MARCHF1: variants seen among roughly 807,000 people sequenced by gnomAD.
The protein encoded by MARCHF1 is E3 ubiquitin-protein ligase MARCHF1.
A neutral mutation model predicts 54.2 loss-of-function variants in MARCHF1; 40 were observed. That is an observed-to-expected ratio of 0.74 (90% confidence interval 0.57 to 0.96). MARCHF1 has a LOEUF of 0.96. MARCHF1 is among the 40% of genes least tolerant of loss of function. MARCHF1 has a pLI of 0.00. For synonymous variants in MARCHF1, 236 were observed against 236.3 expected, an observed-to-expected ratio of 1.00 and a Z score of 0.01; for missense variants, 586 against 656.5, an observed-to-expected ratio of 0.89 and a Z score of 1.17.
chr4:164,252,329 AAAAACAAAAC>A (rs146653368), intron 1 of MARCHF1, among the ~76,000 whole-genome samples: 18 of 151,698 alleles, frequency 1.2e-4, no homozygotes, highest in South Asian at 6.2e-4. Flanking sequence ...CCACCATCAA[AAAAACAAAAC>A]AAAACAAAAC....
chr4:163,778,030 T>G (rs1747354354), intron 4 of MARCHF1, among the ~76,000 whole-genome samples: 1 of 152,208 alleles, frequency 6.6e-6, no homozygotes, highest in Non-Finnish European at 1.5e-5. Context: ...TCATGAAGTA[T>G]ATACTCTTGT....
intron 4 of MARCHF1, among the ~76,000 whole-genome samples, chr4:163,769,255 C>A (rs1271218866): frequency 6.6e-6 from 1 of 152,052 alleles, no homozygotes; most frequent in Non-Finnish European, 1.5e-5. Context: ...ACAGGGTTGT[C>A]ATAGTTCTGT....
chr4:163,636,919 C>A (rs1384065295), intron 5 of MARCHF1, among the ~76,000 whole-genome samples: 1 of 152,162 alleles, frequency 6.6e-6, no homozygotes, highest in Admixed American at 6.5e-5. Context: ...TGGAACAGGA[C>A]AGAGCCCTCA....
At position 163,788,652 on chromosome 4, in the gene MARCHF1, G is replaced by C. The variant is rs1579287798; in HGVS notation, c.111+65369C>G. On this transcript the variant is annotated intron_variant, in intron 4 of 9. Transcript: ENST00000514618. The stretch of plus-strand genomic sequence containing the variant: ...GAATTTTGTAAAGAACCCCAGAGAG[G>C]TGAAGGGCCTTTCTCACTGCATCAT... 2.6e-5 allele frequency among the ~76,000 whole-genome samples: 4 copies of C among 152,080 alleles called. No homozygotes were observed. The South Asian group carries it at 8.3e-4, about 31-fold the overall frequency.
chr4:164,220,614 T>C (rs1011938104), intron 1 of MARCHF1, among the ~76,000 whole-genome samples: 2 of 146,070 alleles, frequency 1.4e-5, no homozygotes, highest in Non-Finnish European at 3.0e-5. Flanking sequence ...ATATATGCTA[T>C]ATATGCATAT....
intron 3 of MARCHF1, among the ~76,000 whole-genome samples, chr4:163,956,504 C>G (rs932070369): frequency 5.9e-5 from 9 of 151,948 alleles, no homozygotes; most frequent in Non-Finnish European, 8.8e-5. Context: ...TTAATTAGTA[C>G]TAAGATTTTC....
chr4:163,826,655 T>C (rs1362976179), intron 4 of MARCHF1, among the ~76,000 whole-genome samples: 3 of 151,968 alleles, frequency 2.0e-5, no homozygotes, highest in Non-Finnish European at 4.4e-5. Flanking sequence ...AAAATAAAAG[T>C]AGATAAGTAT....
chr4:163,804,606 A>G (rs1257113393), intron 4 of MARCHF1, among the ~76,000 whole-genome samples: 2 of 152,202 alleles, frequency 1.3e-5, no homozygotes, highest in Non-Finnish European at 2.9e-5. Context: ...AATGTTTGTC[A>G]CCTCTTGTGA....
chr4:163,704,922 AAG>A (rs1744906825), intron 4 of MARCHF1, among the ~76,000 whole-genome samples: 1 of 151,696 alleles, frequency 6.6e-6, no homozygotes, highest in African/African-American at 2.4e-5. Flanking sequence ...TATTAAGGGA[AAG>A]AGAGAACAAA....
intron 3 of MARCHF1, among the ~76,000 whole-genome samples, chr4:163,950,582 G>A (rs1194905317): frequency 6.6e-6 from 1 of 152,170 alleles, no homozygotes; most frequent in African/African-American, 2.4e-5. Context: ...CTCCCACTTG[G>A]AAGGGGGCAT....
At chr4:163,720,810 C>G (rs1051891489) in intron 4 of MARCHF1, among the ~76,000 whole-genome samples, 5 of 152,160 alleles carry the variant, frequency 3.3e-5, no homozygotes, top group African/African-American at 1.2e-4. Context: ...GGAGTTCACT[C>G]ATGATTTGGG....
intron 1 of MARCHF1, among the ~76,000 whole-genome samples, chr4:164,120,924 A>G (rs1249629362): frequency 6.6e-6 from 1 of 152,072 alleles, no homozygotes; most frequent in Non-Finnish European, 1.5e-5. Flanking sequence ...TTGAATAACT[A>G]GAAAACAAGA....
intron 1 of MARCHF1, among the ~76,000 whole-genome samples, chr4:164,247,643 TA>T (rs1351738709): frequency 5.2e-3 from 591 of 113,024 alleles, no homozygotes; most frequent in South Asian, 0.023. Flanking sequence ...AAAAAGAAAG[TA>T]AAAAAAAAAA....
At chr4:163,881,146 G>T (rs949678264) in intron 3 of MARCHF1, among the ~76,000 whole-genome samples, 1 of 152,156 alleles carries the variant, frequency 6.6e-6, no homozygotes, top group Admixed American at 6.5e-5. Context: ...TTTAAACACA[G>T]AATTCAATTC....
At chr4:163,849,253 G>C (rs1310295629) in intron 4 of MARCHF1, among the ~76,000 whole-genome samples, 1 of 152,130 alleles carries the variant, frequency 6.6e-6, no homozygotes, top group African/African-American at 2.4e-5. Context: ...CTTTATTTAT[G>C]AAATGGGGGT....
chr4:164,344,644 A>G lies in MARCHF1; in HGVS notation c.-323+39226T>C, dbSNP rs561304833. ...AAATTTAAATTTACTAAGGATCTAGAAAGGCAACTATCCTTAAAGGACTAG... is the reference window on the plus strand; with the variant it reads ...AAATTTAAATTTACTAAGGATCTAGGAAGGCAACTATCCTTAAAGGACTAG... On this transcript the variant is annotated intron_variant, in intron 1 of 9. Coordinates refer to ENST00000514618, the MANE Select transcript of MARCHF1 (RefSeq NM_001394959.1). Among the ~76,000 whole-genome samples, 4 of 152,300 alleles carry G rather than the reference A, an allele frequency of 2.6e-5. No individual in the cohort carries two copies. The East Asian group carries it at 5.8e-4, about 22-fold the overall frequency.
intron 1 of MARCHF1, among the ~76,000 whole-genome samples, chr4:164,176,401 C>G (rs1730664122): frequency 1.3e-5 from 2 of 152,096 alleles, no homozygotes; most frequent in South Asian, 4.1e-4. Context: ...ATAGATCAAA[C>G]ATATTTGCTA....
At chr4:164,266,733 G>C (rs1209354330) in intron 1 of MARCHF1, among the ~76,000 whole-genome samples, 1 of 152,050 alleles carries the variant, frequency 6.6e-6, no homozygotes, top group Non-Finnish European at 1.5e-5. Flanking sequence ...CACAACTGAG[G>C]GCTGTGGTTT....
chr4:164,196,922 G>A, intron 1 of MARCHF1: 2 of 1,536,726 alleles, frequency 1.3e-6, no homozygotes, highest in South Asian at 2.2e-5. Flanking sequence ...GAGGGGATAT[G>A]GGTAAAAACA....
Sources: gnomAD v4.1 joint callset for allele counts (sites outside exome capture counted in the v4.1 genomes callset) on GRCh38, gnomAD v4.1.1 for gene constraint, MANE v1.5 for transcripts, NCBI Gene and HGNC (gene_info 2026-07-23, HGNC 2026-07-21) for gene names.